Variants in TENM3 observed in about 807,000 individuals in gnomAD.
TENM3 encodes the protein teneurin transmembrane protein 3, also known as teneurin-3.
A neutral mutation model predicts 255.1 loss-of-function variants in TENM3; 63 were observed. The ratio of observed to expected loss-of-function variants is 0.25; its 90% CI spans 0.20 to 0.30. The LOEUF (loss-of-function observed/expected upper bound fraction) is 0.30, where lower values mean the gene tolerates loss of function less well. Ranked by LOEUF, TENM3 falls within the 10% of genes least tolerant of loss-of-function variation. The pLI, the probability that TENM3 is intolerant of heterozygous loss-of-function variation, is 1.00. For synonymous variants in TENM3, 1,306 were observed against 1,322.3 expected (o/e 0.99, Z 0.27); for missense variants, 2,929 against 3,461.1 (o/e 0.85, Z 3.86).
chr4:182,548,377 C>T (rs754124693), intron 3 of TENM3, among the ~76,000 whole-genome samples: 5 of 152,068 alleles, frequency 3.3e-5, no homozygotes, highest in African/African-American at 7.3e-5. Context: ...AGTAAACACA[C>T]GGTTTTAGGA....
intron 1 of TENM3, among the ~76,000 whole-genome samples, chr4:182,181,600 C>T (rs982384676): frequency 1.3e-5 from 2 of 152,148 alleles, no homozygotes; most frequent in Non-Finnish European, 2.9e-5. Flanking sequence ...AAAATCCTAG[C>T]AGTTTGACCC....
chr4:181,959,849 G>T, the TENM3 span, among the ~76,000 whole-genome samples: 2 of 152,124 alleles, frequency 1.3e-5, no homozygotes, highest in African/African-American at 4.8e-5. Context: ...TATTTAAATT[G>T]TCCATATAAA....
chr4:182,071,688 T>C, the TENM3 span, among the ~76,000 whole-genome samples: 1 of 152,174 alleles, frequency 6.6e-6, no homozygotes, highest in South Asian at 2.1e-4. Flanking sequence ...TTGAGATATA[T>C]AGCACCTTAA....
At chr4:182,224,585 A>C in intron 1 of TENM3, among the ~76,000 whole-genome samples, 1 of 152,178 alleles carries the variant, frequency 6.6e-6, no homozygotes, top group East Asian at 1.9e-4. Flanking sequence ...ACATAAAAAC[A>C]AACCACAGTC....
At chr4:181,531,066 C>A in the TENM3 span, among the ~76,000 whole-genome samples, 1 of 152,100 alleles carries the variant, frequency 6.6e-6, no homozygotes, top group African/African-American at 2.4e-5. Context: ...CTATTAGCAT[C>A]AATTTTTATT....
At chr4:181,502,737 A>G in the TENM3 span, among the ~76,000 whole-genome samples, 2 of 152,036 alleles carry the variant, frequency 1.3e-5, no homozygotes, top group African/African-American at 4.8e-5. Flanking sequence ...GAGTGTAGCT[A>G]AGCCAGTCCC....
intron 1 of TENM3, among the ~76,000 whole-genome samples, chr4:182,318,408 A>T (rs1399833728): frequency 1.3e-5 from 2 of 152,210 alleles, no homozygotes; most frequent in African/African-American, 4.8e-5. Context: ...TTTCATCAGG[A>T]TTAGGAACAT....
chr4:182,262,858 C>CG (rs1475430596), intron 1 of TENM3, among the ~76,000 whole-genome samples: 1 of 151,870 alleles, frequency 6.6e-6, no homozygotes, highest in East Asian at 1.9e-4. Flanking sequence ...GGACTACAGG[C>CG]ACCCACCACC....
At chr4:182,670,919 C>T (rs1221310486) in intron 6 of TENM3, among the ~76,000 whole-genome samples, 1 of 152,176 alleles carries the variant, frequency 6.6e-6, no homozygotes, top group African/African-American at 2.4e-5. Context: ...CCATAAATGA[C>T]ATGCACAGTA....
chr4:182,515,525 CT>C (rs1026794728), intron 3 of TENM3, among the ~76,000 whole-genome samples: 4 of 152,156 alleles, frequency 2.6e-5, no homozygotes, highest in African/African-American at 9.6e-5. Context: ...AAAAAGTAGT[CT>C]GTTGTATATA....
At chr4:181,904,862 AG>A in the TENM3 span, among the ~76,000 whole-genome samples, 2 of 152,084 alleles carry the variant, frequency 1.3e-5, no homozygotes, top group Admixed American at 1.3e-4. Context: ...TGAATCATGG[AG>A]GGGGTGGGTC....
At chr4:182,610,324 A>G (rs916665132) in intron 4 of TENM3, among the ~76,000 whole-genome samples, 3 of 143,676 alleles carry the variant, frequency 2.1e-5, no homozygotes, top group African/African-American at 7.3e-5. Flanking sequence ...AAGGACCTGC[A>G]GATGTTTTGC....
chr4:182,334,959 A>G (rs1764004828), intron 2 of TENM3, among the ~76,000 whole-genome samples: 1 of 152,178 alleles, frequency 6.6e-6, no homozygotes, highest in South Asian at 2.1e-4. Context: ...TAGACTATCT[A>G]GCCAGGGCGT....
chr4:182,445,220 T>A (rs1772822827), intron 3 of TENM3, among the ~76,000 whole-genome samples: 1 of 152,220 alleles, frequency 6.6e-6, no homozygotes, highest in Non-Finnish European at 1.5e-5. Context: ...CCAAGCACTC[T>A]GTAACTATGT....
At chr4:181,544,338 T>C in the TENM3 span, among the ~76,000 whole-genome samples, 1 of 148,072 alleles carries the variant, frequency 6.8e-6, no homozygotes, top group Non-Finnish European at 1.5e-5. Flanking sequence ...CTAAAATGGC[T>C]TTTACTTAAT....
chr4:181,632,601 A>G, the TENM3 span, among the ~76,000 whole-genome samples: 2 of 152,248 alleles, frequency 1.3e-5, no homozygotes, highest in African/African-American at 2.4e-5. Flanking sequence ...TAGAAGTTAT[A>G]CATGAATAAC....
At chr4:182,030,107 G>T in the TENM3 span, among the ~76,000 whole-genome samples, 1 of 144,514 alleles carries the variant, frequency 6.9e-6, no homozygotes, top group African/African-American at 2.5e-5. Context: ...CAAGATACAT[G>T]TGCAGGATGT....
At chr4:182,048,591 C>T in the TENM3 span, among the ~76,000 whole-genome samples, 2,210 of 152,204 alleles carry the variant, frequency 0.015, 57 homozygotes, top group African/African-American at 0.051. Context: ...TGACTTCAAT[C>T]GAATAGCATG....
At chr4:182,459,099 C>T (rs1453421527) in intron 3 of TENM3, among the ~76,000 whole-genome samples, 2 of 152,004 alleles carry the variant, frequency 1.3e-5, no homozygotes, top group African/African-American at 2.4e-5. Context: ...GATGAAATAC[C>T]AATTTAACTA....
Sources: allele counts gnomAD v4.1 joint callset (sites outside exome capture counted in the v4.1 genomes callset), GRCh38; gene constraint gnomAD v4.1.1; transcripts MANE v1.5; gene names NCBI Gene and HGNC (gene_info 2026-07-23, HGNC 2026-07-21).